Variants in VAV3 observed in about 807,000 individuals in gnomAD.
VAV3 encodes the protein guanine nucleotide exchange factor VAV3.
A neutral mutation model predicts 131.2 loss-of-function variants in VAV3; 94 were observed. That is an observed-to-expected ratio of 0.72 (90% CI 0.61 to 0.85). The LOEUF is 0.85. VAV3 is among the 40% of genes least tolerant of loss of function. VAV3 has a pLI of 0.00. For missense variants in VAV3, 939 were observed against 1,002.7 expected, an observed-to-expected ratio of 0.94 and a Z score of 0.86; for synonymous variants, 349 against 342.0, an observed-to-expected ratio of 1.02 and a Z score of -0.22.
chr1:107,756,394 A>G (rs192558033), intron 11 of VAV3, among the ~76,000 whole-genome samples: 1 of 152,312 alleles, frequency 6.6e-6, no homozygotes, highest in Non-Finnish European at 1.5e-5. Context: ...GGATAGATCC[A>G]TAAACGACTT....
chr1:107,772,219 T>C (rs1164529757), intron 5 of VAV3, among the ~76,000 whole-genome samples: 2 of 152,230 alleles, frequency 1.3e-5, no homozygotes, highest in Non-Finnish European at 2.9e-5. Flanking sequence ...TGAGGGCTCA[T>C]ATTGGCTATG....
chr1:107,816,260 T>C (rs1441307865), intron 2 of VAV3, among the ~76,000 whole-genome samples: 1 of 152,202 alleles, frequency 6.6e-6, no homozygotes, highest in Non-Finnish European at 1.5e-5. Flanking sequence ...AATTGAGTAC[T>C]TGGATGACTT....
intron 1 of VAV3, among the ~76,000 whole-genome samples, chr1:107,941,295 G>A (rs922937610): frequency 9.9e-5 from 15 of 152,116 alleles, no homozygotes; most frequent in Non-Finnish European, 1.5e-4. Context: ...TGGTCTCTGC[G>A]TAGTAGAGTC....
chr1:107,590,449 CT>C (rs140332954), intron 25 of VAV3, among the ~76,000 whole-genome samples: 4,860 of 152,232 alleles, frequency 0.032, 109 homozygotes, highest in Non-Finnish European at 0.053. Flanking sequence ...GAAATTAAGC[CT>C]ATATACAAAT....
At chr1:107,651,136 G>A (rs542708389) in intron 19 of VAV3, among the ~76,000 whole-genome samples, 1 of 152,232 alleles carries the variant, frequency 6.6e-6, no homozygotes, top group Middle Eastern at 3.4e-3. Context: ...ACAGCCATCT[G>A]TAATGGCCCT....
At chr1:107,908,820 A>AAC (rs59211285) in intron 1 of VAV3, among the ~76,000 whole-genome samples, 176 of 129,412 alleles carry the variant, frequency 1.4e-3, no homozygotes, top group Middle Eastern at 8.1e-3. Flanking sequence ...GCCCCACTCA[A>AAC]ACACACACAC....
At chr1:107,651,097 C>T (rs1473797768) in intron 19 of VAV3, among the ~76,000 whole-genome samples, 1 of 152,010 alleles carries the variant, frequency 6.6e-6, no homozygotes, top group Non-Finnish European at 1.5e-5. Context: ...GCTCCCTCAC[C>T]CCATCTACCA....
chr1:107,872,708 A>G (rs1670308984), intron 2 of VAV3, among the ~76,000 whole-genome samples: 1 of 152,186 alleles, frequency 6.6e-6, no homozygotes, highest in African/African-American at 2.4e-5. Context: ...TGCTATGTGA[A>G]TGTTTGCACT....
chr1:107,932,130 T>C (rs1399667829), intron 1 of VAV3, among the ~76,000 whole-genome samples: 2 of 152,218 alleles, frequency 1.3e-5, no homozygotes, highest in East Asian at 3.9e-4. Flanking sequence ...GTCAATTGGT[T>C]CATTTACTTT....
At chr1:107,849,941 A>T (rs1188911048) in intron 2 of VAV3, among the ~76,000 whole-genome samples, 1 of 152,234 alleles carries the variant, frequency 6.6e-6, no homozygotes, top group Admixed American at 6.5e-5. Context: ...TCAAAAGAAG[A>T]CATTTATGTG....
chr1:107,573,996 G>C, intron 26 of VAV3, 51 bp downstream of exon 26: 1 of 1,599,146 alleles, frequency 6.3e-7, no homozygotes, highest in Middle Eastern at 1.7e-4. Flanking sequence ...GCAAACAACT[G>C]CTCAGTCCCC....
intron 20 of VAV3, among the ~76,000 whole-genome samples, chr1:107,641,680 T>A (rs139021041): frequency 2.6e-4 from 40 of 152,280 alleles, no homozygotes; most frequent in Non-Finnish European, 5.3e-4. Flanking sequence ...CAGGTATTAC[T>A]GTGGGTAGGT....
At chr1:107,723,305 C>T (rs941836700) in intron 15 of VAV3, among the ~76,000 whole-genome samples, 1 of 152,130 alleles carries the variant, frequency 6.6e-6, no homozygotes, top group African/African-American at 2.4e-5. Flanking sequence ...CCTCCCCTGA[C>T]TTGTGCTTAT....
At chr1:107,873,320 C>G (rs560820883) in intron 2 of VAV3, among the ~76,000 whole-genome samples, 1 of 152,192 alleles carries the variant, frequency 6.6e-6, no homozygotes, top group East Asian at 1.9e-4. Context: ...CAACATTTAT[C>G]AACACCATTT....
intron 1 of VAV3, among the ~76,000 whole-genome samples, chr1:107,941,183 C>T (rs950517520): frequency 3.9e-5 from 6 of 152,128 alleles, no homozygotes; most frequent in Non-Finnish European, 8.8e-5. Flanking sequence ...CCTCCAGGCC[C>T]TATTTGTAGA....
At chr1:107,779,603 G>T in intron 2 of VAV3, 111 bp from the exon 3 acceptor site, 2 of 718,564 alleles carry the variant, frequency 2.8e-6, no homozygotes, top group Non-Finnish European at 2.0e-6. Flanking sequence ...ACATAAATTT[G>T]CAGGTGTCAA....
intron 20 of VAV3, among the ~76,000 whole-genome samples, chr1:107,631,153 A>AT (rs199724182): frequency 2.0e-4 from 31 of 151,374 alleles, no homozygotes; most frequent in African/African-American, 6.0e-4. Context: ...TGTAACACCT[A>AT]TTTTTTTTTG....
chr1:107,751,493 C>T (rs933778621), intron 12 of VAV3, among the ~76,000 whole-genome samples: 20 of 152,210 alleles, frequency 1.3e-4, no homozygotes, highest in Admixed American at 3.9e-4. Flanking sequence ...GTCCAAATTA[C>T]GAGACGGTTC....
chr1:107,684,842 A>G (rs576870385), intron 18 of VAV3, among the ~76,000 whole-genome samples: 1 of 152,354 alleles, frequency 6.6e-6, no homozygotes, highest in South Asian at 2.1e-4. Context: ...ATGAAAGAAC[A>G]CTAATTTAAA....
Sources: gnomAD v4.1 joint callset for allele counts (sites outside exome capture counted in the v4.1 genomes callset) on GRCh38, gnomAD v4.1.1 for gene constraint, MANE v1.5 for transcripts, NCBI Gene and HGNC (gene_info 2026-07-23, HGNC 2026-07-21) for gene names.